The following PRKD1 variants were observed in gnomAD, a reference collection of about 807,000 sequenced individuals.
The protein encoded by PRKD1 is protein kinase D1, also known as serine/threonine-protein kinase D1.
Under a neutral mutation model 95.9 loss-of-function variants are expected in PRKD1, and 63 were observed. That is an observed-to-expected ratio of 0.66 (90% confidence interval 0.54 to 0.81). The LOEUF (loss-of-function observed/expected upper bound fraction) is 0.81, where lower values mean the gene tolerates loss of function less well. Among genes scored for constraint, PRKD1 ranks in the 30% least tolerant of loss-of-function variants. PRKD1 has a pLI of 0.00. For synonymous variants in PRKD1, 425 were observed against 423.1 expected (o/e 1.00, Z -0.05); for missense variants, 1,048 against 1,165.3 (o/e 0.90, Z 1.47).
chr14:29,594,380 GC>G (rs1893229369), intron 16 of PRKD1, among the ~76,000 whole-genome samples: 1 of 152,120 alleles, frequency 6.6e-6, no homozygotes, highest in African/African-American at 2.4e-5. Context: ...ACCAGCCAGG[GC>G]AAGTGCTTGG....
chr14:29,923,242 A>C (rs1208205518), intron 1 of PRKD1, among the ~76,000 whole-genome samples: 1 of 151,826 alleles, frequency 6.6e-6, no homozygotes, highest in Non-Finnish European at 1.5e-5. Flanking sequence ...AAAAAAAAAA[A>C]AAAACACACA....
intron 16 of PRKD1, among the ~76,000 whole-genome samples, chr14:29,593,293 T>G (rs1399731480): frequency 6.6e-6 from 1 of 152,170 alleles, no homozygotes; most frequent in Non-Finnish European, 1.5e-5. Flanking sequence ...TTTCTTCAAA[T>G]TTTCTCTTAT....
At chr14:29,882,915 A>G (rs540689390) in intron 1 of PRKD1, among the ~76,000 whole-genome samples, 75 of 152,242 alleles carry the variant, frequency 4.9e-4, no homozygotes, top group African/African-American at 1.6e-3. Flanking sequence ...TCGTCCATCA[A>G]TGGAACTTGG....
chr14:29,892,010 G>A (rs1362574241), intron 1 of PRKD1, among the ~76,000 whole-genome samples: 1 of 152,124 alleles, frequency 6.6e-6, no homozygotes, highest in Non-Finnish European at 1.5e-5. Context: ...CATTGCCTTG[G>A]TATTAATTGT....
Position 29,901,310 on chromosome 14 carries a change from G to A in PRKD1, c.264+25939C>T, listed in dbSNP as rs573752409. ...ATTAAACACACATAGACAAAAAGATGGGAACAATGGACACTGGGACTACCA... is the reference window on the plus strand; with the variant it reads ...ATTAAACACACATAGACAAAAAGATAGGAACAATGGACACTGGGACTACCA... On this transcript the variant is annotated intron_variant, in intron 1 of 17. Transcript: ENST00000331968. 3.0e-4 allele frequency among the ~76,000 whole-genome samples: 45 copies of A among 152,240 alleles called. 1 individual carries two copies. The South Asian group carries it at 8.3e-3, about 28-fold the overall frequency.
chr14:29,842,092 T>C (rs558724052), intron 1 of PRKD1, among the ~76,000 whole-genome samples: 7 of 152,276 alleles, frequency 4.6e-5, no homozygotes, highest in Admixed American at 1.3e-4. Flanking sequence ...TGGAATGTAT[T>C]TGGGGACAAT....
chr14:29,716,666 T>G (rs1022753204), intron 2 of PRKD1, among the ~76,000 whole-genome samples: 2 of 152,144 alleles, frequency 1.3e-5, no homozygotes, highest in Non-Finnish European at 2.9e-5. Context: ...AGATGAGTAT[T>G]GGGGGGTACA....
intron 2 of PRKD1, among the ~76,000 whole-genome samples, chr14:29,684,737 G>T (rs1883755477): frequency 6.6e-6 from 1 of 152,166 alleles, no homozygotes; most frequent in Non-Finnish European, 1.5e-5. Flanking sequence ...GACTAGGAAG[G>T]ACAGTGTTCA....
chr14:29,602,739 T>C (rs1342728975), intron 13 of PRKD1, among the ~76,000 whole-genome samples: 1 of 152,014 alleles, frequency 6.6e-6, no homozygotes, highest in Non-Finnish European at 1.5e-5. Flanking sequence ...AGTACATGAG[T>C]TCTTAGAGGT....
At chr14:29,921,508 G>A (rs1015674042) in intron 1 of PRKD1, among the ~76,000 whole-genome samples, 1 of 152,064 alleles carries the variant, frequency 6.6e-6, no homozygotes, top group Non-Finnish European at 1.5e-5. Context: ...CAGTATGTAT[G>A]TTACATATAT....
intron 2 of PRKD1, among the ~76,000 whole-genome samples, chr14:29,720,480 A>G (rs1215341981): frequency 2.0e-5 from 3 of 151,980 alleles, no homozygotes; most frequent in Admixed American, 2.0e-4. Flanking sequence ...AAAAACAAAC[A>G]AAAAAAATCC....
chr14:29,784,185 A>G (rs187165696), intron 1 of PRKD1, among the ~76,000 whole-genome samples: 1 of 152,266 alleles, frequency 6.6e-6, no homozygotes, highest in African/African-American at 2.4e-5. Context: ...TCCTCTGCAT[A>G]TGAATATCCA....
chr14:29,630,766 C>A lies in PRKD1; in HGVS notation c.1648G>T (p.Val550Leu). Residue 550 changes from valine to leucine, a missense_variant, in exon 10 of 18, where the codon GTG (valine) becomes TTG (leucine). Around this residue, in one of 3 missense-constraint regions of PRKD1, gnomAD observed 739 missense variants for 861.9 expected, o/e 0.86. Transcript: ENST00000331968. The stretch of plus-strand genomic sequence containing the variant: ...CTGTGCAAGTTGGTTCCTGTACCCA[C>A]GGAGGAGCCCTTGGGAATGACGGGC... ...LMPVIPKGSS[V>L]GTGTNLHRDI... The A allele has an allele frequency of 6.2e-7, 1 of 1,614,006 alleles. No homozygotes were observed. The highest frequency in any genetic ancestry group is 1.7e-5 in the Admixed American group (1 of 60,006).
At chr14:29,688,524 A>G (rs1402196507) in intron 2 of PRKD1, among the ~76,000 whole-genome samples, 1 of 152,198 alleles carries the variant, frequency 6.6e-6, no homozygotes, top group African/African-American at 2.4e-5. Context: ...GCAAAATCAG[A>G]ACTACAAACT....
intron 1 of PRKD1, among the ~76,000 whole-genome samples, chr14:29,896,317 A>C (rs1336728886): frequency 6.6e-6 from 1 of 151,940 alleles, no homozygotes; most frequent in Non-Finnish European, 1.5e-5. Flanking sequence ...TTTTCCATTA[A>C]CGTTTCCCAA....
intron 1 of PRKD1, among the ~76,000 whole-genome samples, chr14:29,867,713 G>T (rs554847080): frequency 3.9e-5 from 6 of 152,336 alleles, no homozygotes; most frequent in African/African-American, 1.4e-4. Flanking sequence ...GAGGCAGAAT[G>T]AGCCAGGGGG....
At chr14:29,782,098 A>C (rs953562497) in intron 1 of PRKD1, among the ~76,000 whole-genome samples, 1 of 152,224 alleles carries the variant, frequency 6.6e-6, no homozygotes, top group Non-Finnish European at 1.5e-5. Context: ...ACAGTGTATC[A>C]TAATGCTCAG....
At chr14:29,859,247 G>A (rs1892617722) in intron 1 of PRKD1, among the ~76,000 whole-genome samples, 1 of 152,060 alleles carries the variant, frequency 6.6e-6, no homozygotes, top group Non-Finnish European at 1.5e-5. Flanking sequence ...CGAGGCGGGT[G>A]GATCACGAGG....
intron 13 of PRKD1, among the ~76,000 whole-genome samples, chr14:29,600,666 G>A (rs1250220083): frequency 2.0e-5 from 3 of 152,150 alleles, no homozygotes; most frequent in Non-Finnish European, 4.4e-5. Context: ...TTGATATGTG[G>A]TGCGGTGGTT....
Sources: gnomAD v4.1 joint callset for allele counts (sites outside exome capture counted in the v4.1 genomes callset) on GRCh38, gnomAD v4.1.1 for gene constraint, gnomAD v4.1.1 regional missense constraint, MANE v1.5 for transcripts, NCBI Gene and HGNC (gene_info 2026-07-23, HGNC 2026-07-21) for gene names.